The following CFAP43 variants were observed in gnomAD, a reference collection of about 807,000 sequenced individuals.
CFAP43 encodes the protein cilia and flagella associated protein 43.
CFAP43 carries 155 observed loss-of-function variants against 218.9 expected under a neutral mutation model. That is an observed-to-expected ratio of 0.71 (90% CI 0.62 to 0.81). The LOEUF is 0.81. Among genes scored for constraint, CFAP43 ranks in the 30% least tolerant of loss-of-function variants. The pLI, the probability that CFAP43 is intolerant of heterozygous loss-of-function variation, is 0.00. For missense variants in CFAP43, 1,778 were observed against 1,954.3 expected (o/e 0.91, Z 1.70); for synonymous variants, 645 against 681.3 (o/e 0.95, Z 0.83).
rs141961164 is a variant in CFAP43, at chr10:104,207,722, T to G, written c.838A>C (p.Asn280His). Residue 280 changes from asparagine to histidine, a missense_variant, in exon 6 of 38, where the codon AAT (asparagine) becomes CAT (histidine). Transcript: ENST00000357060. ...GCEEGHLLMI[N>H]GDTLQVTVLN... ...ACAGTCACTTGCAAGGTGTCTCCATTAATCATTAAAAGATGACCCTCTTCA... is the reference window on the plus strand; with the variant it reads ...ACAGTCACTTGCAAGGTGTCTCCATGAATCATTAAAAGATGACCCTCTTCA... 9.2e-5 allele frequency: 149 copies of G among 1,614,046 alleles called. No individual in the cohort carries two copies. The African/African-American group carries it at 1.7e-3, about 18-fold the overall frequency.
At chr10:104,196,747 G>T (rs1281672609) in intron 10 of CFAP43, 106 bp downstream of exon 10, 4 of 919,332 alleles carry the variant, frequency 4.4e-6, no homozygotes, top group East Asian at 2.8e-5. Context: ...ATGCAGTGAG[G>T]CTTCGGTAAC....
At chr10:104,225,318 G>T in intron 3 of CFAP43, 143 bp downstream of exon 3, 1 of 676,586 alleles carries the variant, frequency 1.5e-6, no homozygotes, top group Non-Finnish European at 2.4e-6. Context: ...CATAGCAACT[G>T]TATTAAAACT....
At chr10:104,232,096 G>T in intron 1 of CFAP43, 86 bp downstream of exon 1, 1 of 1,474,400 alleles carries the variant, frequency 6.8e-7, no homozygotes, top group South Asian at 1.3e-5. Context: ...CCGCCCTAAG[G>T]AACCGGAGGG....
chr10:104,225,338 C>T (rs1235407607), intron 3 of CFAP43, 123 bp downstream of exon 3: 1 of 825,960 alleles, frequency 1.2e-6, no homozygotes, highest in Non-Finnish European at 1.8e-6. Flanking sequence ...TTGTGATTGG[C>T]ATTTTTTCCT....
chr10:104,190,038 G>A (rs972194971), intron 12 of CFAP43, among the ~76,000 whole-genome samples: 1 of 151,612 alleles, frequency 6.6e-6, no homozygotes, highest in Non-Finnish European at 1.5e-5. Context: ...CGCGGTGGCG[G>A]GCGCCTGTAG....
chr10:104,188,542 T>C, intron 12 of CFAP43, 132 bp from the exon 13 acceptor site: 1 of 1,192,340 alleles, frequency 8.4e-7, no homozygotes, highest in African/African-American at 1.5e-5. Flanking sequence ...TTGCTGGACA[T>C]TTAAAGTGAC....
At chr10:104,217,414 A>C (rs1044814206) in intron 3 of CFAP43, among the ~76,000 whole-genome samples, 5 of 151,330 alleles carry the variant, frequency 3.3e-5, no homozygotes, top group Admixed American at 2.6e-4. Flanking sequence ...TATTCATACA[A>C]TTTCCTTATT....
chr10:104,182,217 C>T (rs971775476), intron 17 of CFAP43, 149 bp downstream of exon 17: 11 of 786,724 alleles, frequency 1.4e-5, no homozygotes, highest in South Asian at 2.5e-5. Flanking sequence ...TTCTCTCAGA[C>T]GTAGCTTATT....
intron 4 of CFAP43, 58 bp downstream of exon 4, chr10:104,214,201 A>T (rs1564806527): frequency 6.7e-7 from 1 of 1,489,774 alleles, no homozygotes; most frequent in Non-Finnish European, 9.0e-7. Context: ...ACCCAATCAC[A>T]TTACACGAAT....
chr10:104,154,913 TA>T (rs1400901681), intron 27 of CFAP43, among the ~76,000 whole-genome samples: 1 of 152,158 alleles, frequency 6.6e-6, no homozygotes, highest in East Asian at 1.9e-4. Context: ...GGCCCTGTCT[TA>T]AGTCTCAGAA....
At chr10:104,134,147 C>T (rs896884600) in intron 34 of CFAP43, among the ~76,000 whole-genome samples, 2 of 152,148 alleles carry the variant, frequency 1.3e-5, no homozygotes, top group African/African-American at 2.4e-5. Flanking sequence ...CCTGTAATCC[C>T]ACCACCTTGG....
chr10:104,188,136 A>T, intron 13 of CFAP43, 134 bp downstream of exon 13: 1 of 1,148,394 alleles, frequency 8.7e-7, no homozygotes, highest in Non-Finnish European at 1.2e-6. Flanking sequence ...TGTTGGTTTT[A>T]CTTTGTAAAG....
chr10:104,222,786 G>T (rs982498609), intron 3 of CFAP43, among the ~76,000 whole-genome samples: 15 of 152,170 alleles, frequency 9.9e-5, no homozygotes, highest in Admixed American at 3.9e-4. Flanking sequence ...ATGTACCTGA[G>T]ATACATTTTA....
intron 29 of CFAP43, among the ~76,000 whole-genome samples, chr10:104,146,956 G>A (rs2088006213): frequency 6.6e-6 from 1 of 152,154 alleles, no homozygotes; most frequent in South Asian, 2.1e-4. Flanking sequence ...CAATGATGTT[G>A]CATCTGAAGC....
intron 26 of CFAP43, 51 bp from the exon 27 acceptor site, chr10:104,161,213 A>G: frequency 7.6e-6 from 12 of 1,570,808 alleles, no homozygotes; most frequent in Non-Finnish European, 1.0e-5. Context: ...TAAATGCAGT[A>G]GTACAGTAAA....
intron 11 of CFAP43, 160 bp downstream of exon 11, chr10:104,193,706 C>T (rs2090298432): frequency 4.0e-6 from 4 of 1,003,048 alleles, no homozygotes; most frequent in Non-Finnish European, 5.6e-6. Flanking sequence ...CTTTACTACA[C>T]AGCCCTCTGT....
rs181033643 is a variant in CFAP43 at position 104,138,607 on chromosome 10, G to A, written c.4431+2235C>T. Among the ~76,000 whole-genome samples, 216 of 152,074 alleles carry A rather than the reference G, an allele frequency of 1.4e-3. 1 individual carries two copies. The highest frequency in any genetic ancestry group is 5.0e-3 in the African/African-American group (206 of 41,476). ...GTAGAATCGCTTGAACCCAGAAGGTGGAGGTTGCAGTGACCTGAGATAGTG... is the reference window on the plus strand; with the variant it reads ...GTAGAATCGCTTGAACCCAGAAGGTAGAGGTTGCAGTGACCTGAGATAGTG... On this transcript the variant is annotated intron_variant, in intron 34 of 37. Transcript: ENST00000357060.
intron 20 of CFAP43, 79 bp from the exon 21 acceptor site, chr10:104,168,927 T>C (rs2089293691): frequency 1.7e-6 from 2 of 1,181,848 alleles, no homozygotes; most frequent in Non-Finnish European, 2.5e-6. Context: ...GTAAACTCAC[T>C]AAGTAGCCAT....
chr10:104,178,324 A>G (rs1213980715), intron 19 of CFAP43, among the ~76,000 whole-genome samples: 1 of 152,238 alleles, frequency 6.6e-6, no homozygotes, highest in Non-Finnish European at 1.5e-5. Context: ...AGAATTTGTT[A>G]GCATTTTGAG....
Sources: allele counts gnomAD v4.1 joint callset (sites outside exome capture counted in the v4.1 genomes callset), GRCh38; gene constraint gnomAD v4.1.1; transcripts MANE v1.5; gene names NCBI Gene and HGNC (gene_info 2026-07-23, HGNC 2026-07-21).